The following MAGI1 variants were observed in gnomAD, a reference collection of about 807,000 sequenced individuals.
MAGI1 encodes membrane associated guanylate kinase, WW and PDZ domain containing 1.
MAGI1 carries 58 observed loss-of-function variants against 139.9 expected under a neutral mutation model. That is an observed-to-expected ratio of 0.41 (90% confidence interval 0.34 to 0.52). The LOEUF is 0.52. Among genes scored for constraint, MAGI1 ranks in the 20% least tolerant of loss-of-function variants. MAGI1 has a pLI of 0.12. For missense variants in MAGI1, 1,874 were observed against 1,901.6 expected (o/e 0.99, Z 0.27); for synonymous variants, 812 against 737.9 (o/e 1.10, Z -1.63).
At chr3:65,368,061 G>C (rs939581668) in intron 18 of MAGI1, among the ~76,000 whole-genome samples, 4 of 152,106 alleles carry the variant, frequency 2.6e-5, no homozygotes, top group Admixed American at 2.0e-4. Flanking sequence ...AATTAAACCA[G>C]GATTGTATTT....
rs1226505514 is a variant in MAGI1 at position 65,745,081 on chromosome 3, T to G, written c.314-122993A>C. Among the ~76,000 whole-genome samples the G allele has an allele frequency of 2.6e-5, 4 of 152,138 alleles. No homozygotes were observed. The East Asian group carries it at 7.7e-4, about 29-fold the overall frequency. On this transcript the variant is annotated intron_variant, in intron 1 of 22. Transcript: ENST00000402939. ...TGTTGGTCCTTTTGCATCTGGCATA[T>G]TTAACTTAGCATAATGTTTTCAAGG...
At chr3:65,465,631 T>C (rs115671815) in intron 5 of MAGI1, among the ~76,000 whole-genome samples, 4,167 of 152,254 alleles carry the variant, frequency 0.027, 188 homozygotes, top group Admixed American at 0.12. Flanking sequence ...CTAACATACA[T>C]AGGGTGTCAT....
intron 2 of MAGI1, among the ~76,000 whole-genome samples, chr3:65,604,368 T>G (rs539502786): frequency 6.6e-6 from 1 of 152,266 alleles, no homozygotes; most frequent in East Asian, 1.9e-4. Context: ...ATATAATGAT[T>G]ATTTAAGAAA....
At position 65,905,380 on chromosome 3, in the gene MAGI1, T is replaced by C. The variant is rs552359956; in HGVS notation, c.313+132616A>G. On this transcript the variant is annotated intron_variant, in intron 1 of 22. Transcript: ENST00000402939. Reference sequence around the variant, plus strand: ...TGTCTTGTGCAATTACATTTCTTTTTCTTAGCCTGGGCAACCTAGTGAGAC... The same window carrying C: ...TGTCTTGTGCAATTACATTTCTTTTCCTTAGCCTGGGCAACCTAGTGAGAC... Among the ~76,000 whole-genome samples, 6 of 152,102 alleles carry C rather than the reference T, an allele frequency of 3.9e-5. No individual in the cohort carries two copies. In the South Asian group the frequency reaches 8.3e-4, roughly 21 times the overall value.
intron 1 of MAGI1, among the ~76,000 whole-genome samples, chr3:65,636,361 C>T (rs910397673): frequency 9.9e-5 from 15 of 152,134 alleles, no homozygotes; most frequent in Admixed American, 9.2e-4. Flanking sequence ...TATTTCTAAT[C>T]TCCATAATTC....
At chr3:65,703,117 CATGATGCGCAT>C (rs2089728137) in intron 1 of MAGI1, among the ~76,000 whole-genome samples, 2 of 152,176 alleles carry the variant, frequency 1.3e-5, no homozygotes, top group African/African-American at 4.8e-5. Context: ...GCCTTCAAGG[CATGATGCGCAT>C]CTCTCTACTG....
chr3:65,670,400 G>C (rs2086784718), intron 1 of MAGI1, among the ~76,000 whole-genome samples: 1 of 151,154 alleles, frequency 6.6e-6, no homozygotes, highest in Non-Finnish European at 1.5e-5. Context: ...CAACATTGAA[G>C]TTTTTTTTAA....
Position 65,588,766 on chromosome 3 carries a change from T to C in MAGI1, c.430+33206A>G, listed in dbSNP as rs528083487. 3.3e-5 allele frequency among the ~76,000 whole-genome samples: 5 copies of C among 152,330 alleles called. No homozygotes were observed. In the South Asian group the frequency reaches 1.0e-3, roughly 32 times the overall value. On this transcript the variant is annotated intron_variant, in intron 2 of 22. Coordinates refer to ENST00000402939, the MANE Select transcript of MAGI1 (RefSeq NM_001033057.2). The stretch of plus-strand genomic sequence containing the variant: ...TGTTAATTATTGTACCCTTGGTACC[T>C]TGCAGAGTGCTTGGCATATACAACA...
chr3:65,549,288 T>A, intron 2 of MAGI1: 1 of 407,122 alleles, frequency 2.5e-6, no homozygotes, highest in Non-Finnish European at 3.3e-6. Flanking sequence ...TTCCTTCCCT[T>A]TCCTCCCTCT....
At chr3:65,401,718 G>C in intron 12 of MAGI1, 1 of 1,499,776 alleles carries the variant, frequency 6.7e-7, no homozygotes, top group Non-Finnish European at 8.9e-7. Context: ...GCAGCCTGGA[G>C]GCTGGGAAAA....
At chr3:65,693,055 T>C (rs891223750) in intron 1 of MAGI1, among the ~76,000 whole-genome samples, 4 of 152,052 alleles carry the variant, frequency 2.6e-5, no homozygotes, top group African/African-American at 9.7e-5. Context: ...CCTCAGCCAC[T>C]TGAGTAGCTA....
At chr3:65,652,085 A>G (rs1469939788) in intron 1 of MAGI1, among the ~76,000 whole-genome samples, 3 of 152,196 alleles carry the variant, frequency 2.0e-5, no homozygotes, top group African/African-American at 7.2e-5. Flanking sequence ...AATGAAAACC[A>G]AATGAGAAAT....
chr3:65,650,862 T>C (rs1365038584), intron 1 of MAGI1, among the ~76,000 whole-genome samples: 2 of 152,216 alleles, frequency 1.3e-5, no homozygotes, highest in Non-Finnish European at 2.9e-5. Flanking sequence ...ATACGATTCT[T>C]ACAATTTACA....
intron 2 of MAGI1, among the ~76,000 whole-genome samples, chr3:65,566,136 C>G (rs2080622742): frequency 6.6e-6 from 1 of 151,792 alleles, no homozygotes; most frequent in Non-Finnish European, 1.5e-5. Context: ...CACCTGTAGT[C>G]CCAGCTACTC....
intron 1 of MAGI1, among the ~76,000 whole-genome samples, chr3:65,800,469 A>C (rs2040445100): frequency 6.6e-6 from 1 of 152,174 alleles, no homozygotes; most frequent in African/African-American, 2.4e-5. Context: ...AAAACCAGAC[A>C]TTGTGTATCA....
chr3:65,723,440 A>G lies in MAGI1; in HGVS notation c.314-101352T>C, dbSNP rs540887150. Among the ~76,000 whole-genome samples, 4 of 152,310 alleles carry G rather than the reference A, an allele frequency of 2.6e-5. No individual in the cohort carries two copies. The East Asian group carries it at 7.7e-4, about 29-fold the overall frequency. On this transcript the variant is annotated intron_variant, in intron 1 of 22. Coordinates refer to ENST00000402939, the MANE Select transcript of MAGI1 (RefSeq NM_001033057.2). ...AAGAAAGCTGACAATCTCTAGGGGCAGAAATAATAGCAAGAGCCATCTCTT... is the reference window on the plus strand; with the variant it reads ...AAGAAAGCTGACAATCTCTAGGGGCGGAAATAATAGCAAGAGCCATCTCTT...
chr3:65,841,410 TTTG>T (rs2058800143), intron 1 of MAGI1, among the ~76,000 whole-genome samples: 1 of 150,254 alleles, frequency 6.7e-6, no homozygotes, highest in African/African-American at 2.4e-5. Flanking sequence ...TCTTTGTTTT[TTTG>T]TTTTGTTTTG....
At chr3:65,612,457 T>C (rs567773955) in intron 2 of MAGI1, among the ~76,000 whole-genome samples, 2 of 152,290 alleles carry the variant, frequency 1.3e-5, no homozygotes, top group East Asian at 1.9e-4. Context: ...TACATTAGCA[T>C]GTATTTCCTA....
At chr3:65,668,201 C>T (rs958790203) in intron 1 of MAGI1, among the ~76,000 whole-genome samples, 6 of 152,250 alleles carry the variant, frequency 3.9e-5, no homozygotes, top group South Asian at 2.1e-4. Context: ...TACCACTACA[C>T]CAGAAGGGTT....
Sources: gnomAD v4.1 joint callset for allele counts (sites outside exome capture counted in the v4.1 genomes callset) on GRCh38, gnomAD v4.1.1 for gene constraint, MANE v1.5 for transcripts, NCBI Gene and HGNC (gene_info 2026-07-23, HGNC 2026-07-21) for gene names.